CAD: variants seen among roughly 807,000 people sequenced by gnomAD.
CAD encodes multifunctional protein CAD.
A neutral mutation model predicts 237.2 loss-of-function variants in CAD; 81 were observed. That is an observed-to-expected ratio of 0.34 (90% CI 0.29 to 0.41). The LOEUF (loss-of-function observed/expected upper bound fraction) is 0.41, where lower values mean the gene tolerates loss of function less well. CAD is among the 10% of genes least tolerant of loss of function. The pLI is 1.00. For missense variants in CAD, 2,181 were observed against 2,951.7 expected (o/e 0.74, Z 6.05); for synonymous variants, 1,196 against 1,162.8 (o/e 1.03, Z -0.58).
rs1434566276 is a variant in CAD at position 27,232,004 on chromosome 2, C to T, written c.2425C>T (p.Arg809Trp). 1 of 1,614,210 alleles carries T rather than the reference C, an allele frequency of 6.2e-7. No individual in the cohort carries two copies. The change falls in exon 17 of 44, where the codon CGG becomes TGG. Residue 809 changes from arginine (R) to tryptophan (W), a missense_variant. By Grantham distance (101) the Arg-to-Trp change is moderately radical. Transcript: ENST00000264705. This position sits in a 1 kb window ranked among gnomAD's most constrained non-coding sequence, Gnocchi z 4.1. ...DMELETPTDK[R>W]IFVVAAALWA... Reference sequence around the variant, plus strand: ...GGAGTTGGAGACTCCAACAGATAAGCGGATTTTTGTGGTGGCAGCTGCTTT... The same window carrying T: ...GGAGTTGGAGACTCCAACAGATAAGTGGATTTTTGTGGTGGCAGCTGCTTT...
chr2:27,238,442 T>A lies in CAD; in HGVS notation c.4872T>A (p.Ile1624=), dbSNP rs745872658. The change falls in exon 31 of 44, where the codon ATT becomes ATA. Residue 1624 remains isoleucine, a synonymous_variant. Coordinates refer to ENST00000264705, the MANE Select transcript of CAD (RefSeq NM_004341.5). ...CCATTGTTCCCCAGATCCTGCTAAT[T>A]AAAGCTGCAAAGGCACGGGGCTTGC... The part of the protein sequence containing the change: ...HVARKEEILL[I]KAAKARGLPV... 5 of 1,579,110 alleles carry A rather than the reference T, an allele frequency of 3.2e-6. No homozygotes were observed. Among genetic ancestry groups the A allele is most frequent in the Non-Finnish European group, 4.3e-6 (5 of 1,161,848 alleles).
At chr2:27,225,386 A>G in intron 11 of CAD, 143 bp downstream of exon 11, 4 of 604,462 alleles carry the variant, frequency 6.6e-6, no homozygotes, top group Non-Finnish European at 1.1e-5. Flanking sequence ...GGCTCATCAT[A>G]ACCTCCACCT....
rs757298956 is a variant in CAD at position 27,224,769 on chromosome 2, A to G, written c.1279A>G (p.Asn427Asp). Residue 427 changes from asparagine to aspartate, a missense_variant, in exon 10 of 44, where the codon AAC becomes GAC. Asn to Asp is a conservative substitution (Grantham distance 23, BLOSUM62 1). Coordinates refer to ENST00000264705, the MANE Select transcript of CAD (RefSeq NM_004341.5). ...GGCAATTAAGGCCCTGAAGGAGGAA[A>G]ACATCCAGACGTTGCTGATCAACCC... is the stretch of plus-strand genomic sequence containing the variant. The part of the protein sequence containing the change: ...SQAIKALKEE[N>D]IQTLLINPNI... 5 of 1,614,086 alleles carry G rather than the reference A, an allele frequency of 3.1e-6. No homozygotes were observed. The highest frequency in any genetic ancestry group is 4.2e-6 in the Non-Finnish European group (5 of 1,180,044).
rs1394768565 is a variant in CAD, at chr2:27,242,439, G to A, written c.6222+12G>A. 2.5e-6 allele frequency: 4 copies of A among 1,611,708 alleles called. No individual in the cohort carries two copies. Among genetic ancestry groups the A allele is most frequent in the Non-Finnish European group, 3.4e-6 (4 of 1,178,512 alleles). On this transcript the variant is annotated intron_variant, in intron 40 of 43. Transcript: ENST00000264705. The surrounding 1 kb of genome is among the most constrained non-coding windows in gnomAD (Gnocchi z 6.4). ...TCAATGGCATGACGGTGAGGGTGGT[G>A]GCAGGGTTTGGATCCCTGCCAGGGG...
chr2:27,222,712 A>G, intron 5 of CAD, 52 bp downstream of exon 5: 1 of 1,599,932 alleles, frequency 6.3e-7, no homozygotes, highest in Non-Finnish European at 8.5e-7. Context: ...TGGGTGGAAG[A>G]TCTATCCCTT....
At position 27,222,560 on chromosome 2, in the gene CAD, T is replaced by A; in HGVS notation, c.537T>A (p.Leu179=). Reference sequence around the variant, plus strand: ...ATACAGGGGGTGCCCCTCGGATCCTTGCTTTGGACTGTGGCCTCAAGTATA... The same window carrying A: ...ATACAGGGGGTGCCCCTCGGATCCTAGCTTTGGACTGTGGCCTCAAGTATA... The part of the protein sequence containing the change: ...VFNTGGAPRI[L]ALDCGLKYNQ... The change falls in exon 5 of 44, where the codon CTT becomes CTA. Residue 179 remains leucine, a synonymous_variant. Coordinates refer to ENST00000264705, the MANE Select transcript of CAD (RefSeq NM_004341.5). The A allele has an allele frequency of 6.2e-7, 1 of 1,614,128 alleles. No individual in the cohort carries two copies. Among genetic ancestry groups the A allele is most frequent in the South Asian group, 1.1e-5 (1 of 91,086 alleles).
In CAD at chr2:27,235,925, C is replaced by T. The variant is rs1675982472; in HGVS notation, c.4074+285C>T. 2.1e-6 allele frequency: 1 copy of T among 485,580 alleles called. No individual in the cohort carries two copies. Among genetic ancestry groups the T allele is most frequent in the Middle Eastern group, 5.6e-4 (1 of 1,782 alleles). The allele number at this position is 485,580 out of a possible 1,614,324, so 30.1% of individuals were successfully genotyped here. A position where few individuals can be genotyped will look rare whatever the true frequency, so the allele number is the denominator to read the frequency against. ...TCCTATTCCCCTGCTTTTATTATTA[C>T]CATTATACTAGTAAGCTATATTCCA... On this transcript the variant is annotated intron_variant, in intron 25 of 43. Coordinates refer to ENST00000264705, the MANE Select transcript of CAD (RefSeq NM_004341.5). The surrounding 1 kb of genome is among the most constrained non-coding windows in gnomAD (Gnocchi z 5.2).
chr2:27,239,559 C>T lies in CAD; in HGVS notation c.5394+88C>T. ...CCTTCCCAGCACATCTACACTGTCC[C>T]ACTATGTGCACCACTGCCCTGGACC... On this transcript the variant is annotated intron_variant, in intron 33 of 43. Transcript: ENST00000264705. This position sits in a 1 kb window ranked among gnomAD's most constrained non-coding sequence, Gnocchi z 4.0. The T allele has an allele frequency of 6.5e-7, 1 of 1,546,778 alleles. No homozygotes were observed. The highest frequency in any genetic ancestry group is 8.9e-7 in the Non-Finnish European group (1 of 1,127,686).
At position 27,239,747 on chromosome 2, in the gene CAD, G is replaced by A; in HGVS notation, c.5445G>A (p.Gly1815=). 2 of 1,592,504 alleles carry A rather than the reference G, an allele frequency of 1.3e-6. No homozygotes were observed. The highest frequency in any genetic ancestry group is 2.2e-5 in the East Asian group (1 of 44,680). ...AGGATGTACGGAAGTGGCCACAGGG[G>A]GCTGTTCCTCAGCTCCCACCCTCAG... ...YGQDVRKWPQ[G]AVPQLPPSAP... The change falls in exon 34 of 44, where the codon GGG becomes GGA. Residue 1815 remains glycine, a synonymous_variant. Coordinates refer to ENST00000264705, the MANE Select transcript of CAD (RefSeq NM_004341.5). This position sits in a 1 kb window ranked among gnomAD's most constrained non-coding sequence, Gnocchi z 4.0.
Position 27,226,668 on chromosome 2 carries a change from T to C in CAD, c.2156+19T>C, listed in dbSNP as rs1372891256. Reference sequence around the variant, plus strand: ...AGCTCAGGTACGAGGATGAGGGAGATATCACAGTGGGGAAGTGGGTCGGGG... The same window carrying C: ...AGCTCAGGTACGAGGATGAGGGAGACATCACAGTGGGGAAGTGGGTCGGGG... On this transcript the variant is annotated intron_variant, in intron 14 of 43. Transcript: ENST00000264705. 6.2e-7 allele frequency: 1 copy of C among 1,613,706 alleles called. No homozygotes were observed. The highest frequency in any genetic ancestry group is 1.3e-5 in the African/African-American group (1 of 74,988).
intron 6 of CAD, 142 bp downstream of exon 6, chr2:27,223,179 C>T: frequency 2.3e-6 from 2 of 858,624 alleles, no homozygotes; most frequent in Middle Eastern, 3.6e-4. Flanking sequence ...ACCTGTAATC[C>T]CAGCACTTTG....
rs999093646 is a variant in CAD, at chr2:27,232,672, G to T, written c.2870G>T (p.Gly957Val). The change falls in exon 18 of 44, where the codon GGC becomes GTC. Residue 957 changes from glycine (G) to valine (V), a missense_variant. Coordinates refer to ENST00000264705, the MANE Select transcript of CAD (RefSeq NM_004341.5). This position sits in a 1 kb window ranked among gnomAD's most constrained non-coding sequence, Gnocchi z 4.1. Reference protein sequence around the residue: ...SSVEFDWCAVGCIQQLRKMGY... With the variant: ...SSVEFDWCAVVCIQQLRKMGY... ...GTTGAATTTGACTGGTGTGCTGTAGGCTGCATCCAGCAGCTCCGAAAGGTC... is the reference window on the plus strand; with the variant it reads ...GTTGAATTTGACTGGTGTGCTGTAGTCTGCATCCAGCAGCTCCGAAAGGTC... 13 of 1,614,092 alleles carry T rather than the reference G, an allele frequency of 8.1e-6. No individual in the cohort carries two copies. In the Admixed American group the frequency reaches 1.8e-4, roughly 23 times the overall value.
chr2:27,234,511 G>T lies in CAD; in HGVS notation c.3619-7G>T, dbSNP rs761605425. On this transcript the variant is annotated splice_region_variant and splice_polypyrimidine_tract_variant and intron_variant, in intron 22 of 43. Coordinates refer to ENST00000264705, the MANE Select transcript of CAD (RefSeq NM_004341.5). ...GCAGAAGGCCTGACCAGTCTTCTCT[G>T]CCCCAGGATGACCAGCTGAAAGTTA... is the stretch of plus-strand genomic sequence containing the variant. 4 of 1,613,274 alleles carry T rather than the reference G, an allele frequency of 2.5e-6. No individual in the cohort carries two copies. Among genetic ancestry groups the T allele is most frequent in the Non-Finnish European group, 3.4e-6 (4 of 1,179,478 alleles).
At chr2:27,217,671 T>C (rs1162049093) in intron 1 of CAD, 38 bp downstream of exon 1, 1 of 1,531,518 alleles carries the variant, frequency 6.5e-7, no homozygotes, top group Non-Finnish European at 8.9e-7. Flanking sequence ...CTTATCCCAC[T>C]CTGTGATGCG....
intron 22 of CAD, 112 bp from the exon 23 acceptor site, chr2:27,234,406 C>A (rs1675904763): frequency 4.1e-6 from 5 of 1,221,076 alleles, no homozygotes; most frequent in Admixed American, 1.8e-5. Context: ...TGACCCTGAA[C>A]CCTGCTCAGT....
In CAD at chr2:27,243,701, C is replaced by G. The variant is rs1289691658; in HGVS notation, c.*183C>G. On this transcript the variant is annotated 3_prime_UTR_variant, in exon 44 of 44. Transcript: ENST00000264705. ...GGGGTGGGGCCTCAGATGCTGGGGC[C>G]CAGTCTGCCCCATCTTCATTCCTGC... 1 of 602,818 alleles carries G rather than the reference C, an allele frequency of 1.7e-6. No individual in the cohort carries two copies. The highest frequency in any genetic ancestry group is 2.0e-5 in the South Asian group (1 of 49,246). 37.3% of individuals were successfully genotyped at this position (602,818 alleles called of 1,614,324 possible).
chr2:27,224,631 C>T (rs1483412027), intron 9 of CAD, 114 bp from the exon 10 acceptor site: 1 of 1,536,794 alleles, frequency 6.5e-7, no homozygotes, highest in Non-Finnish European at 8.9e-7. Flanking sequence ...AAATAGAAGT[C>T]AATTATTAGG....
intron 2 of CAD, among the ~76,000 whole-genome samples, chr2:27,219,357 T>G (rs1406296193): frequency 1.3e-5 from 2 of 151,978 alleles, no homozygotes; most frequent in African/African-American, 4.8e-5. Context: ...TGTTTTTTTT[T>G]TGGGGACAAG....
rs1219147450 is a variant in CAD at position 27,223,621 on chromosome 2, C to T, written c.868C>T (p.Leu290=). 6.2e-7 allele frequency: 1 copy of T among 1,613,998 alleles called. No homozygotes were observed. Among genetic ancestry groups the T allele is most frequent in the Admixed American group, 1.7e-5 (1 of 60,028 alleles). ...CLLVGSGRCF[L]TSQNHGFAVE... ...GTTGGTGGGCTCTGGGCGCTGCTTT[C>T]TGACATCCCAGAACCATGGGTTTGC... The change falls in exon 7 of 44, where the codon CTG becomes TTG. Residue 290 remains leucine, a synonymous_variant. Transcript: ENST00000264705.
Sources: allele counts gnomAD v4.1 joint callset (sites outside exome capture counted in the v4.1 genomes callset), GRCh38; gene constraint gnomAD v4.1.1; non-coding constraint Gnocchi (gnomAD v3.1); transcripts MANE v1.5; gene names NCBI Gene and HGNC (gene_info 2026-07-23, HGNC 2026-07-21).